The following SPMIP3 variants were observed in gnomAD, a reference collection of about 807,000 sequenced individuals.
SPMIP3 encodes protein SPMIP3.
the SPMIP3 span, among the ~76,000 whole-genome samples, chr1:244,377,128 T>A: frequency 4.1e-5 from 6 of 145,586 alleles, no homozygotes; most frequent in Non-Finnish European, 6.1e-5. Context: ...ACTTTATTTT[T>A]ATTTTTTTTT....
chr1:244,361,235 C>CTTTTTTTTTTTTTT, the SPMIP3 span, among the ~76,000 whole-genome samples: 101 of 119,286 alleles, frequency 8.5e-4, 5 homozygotes, highest in Non-Finnish European at 1.2e-3. Context: ...TTCTTTCTTT[C>CTTTTTTTTTTTTTT]TTTTTTTTTT....
At chr1:244,362,016 C>G in the SPMIP3 span, among the ~76,000 whole-genome samples, 1 of 152,300 alleles carries the variant, frequency 6.6e-6, no homozygotes, top group South Asian at 2.1e-4. Context: ...CTCTTTCTCT[C>G]TCTCTCTCTT....
the SPMIP3 span, among the ~76,000 whole-genome samples, chr1:244,372,793 A>C: frequency 6.6e-5 from 10 of 152,164 alleles, no homozygotes; most frequent in African/African-American, 2.4e-4. Flanking sequence ...GGACATCCCG[A>C]AAGACCCCAC....
At chr1:244,378,715 T>C in the SPMIP3 span, 1 of 1,465,240 alleles carries the variant, frequency 6.8e-7, no homozygotes, top group Non-Finnish European at 9.3e-7. Flanking sequence ...CCTGTAGGCT[T>C]GCTGTCTCAG....
At chr1:244,357,227 A>G in the SPMIP3 span, among the ~76,000 whole-genome samples, 1,218 of 75,650 alleles carry the variant, frequency 0.016, 6 homozygotes, top group Non-Finnish European at 0.029. Flanking sequence ...CACCATGGAG[A>G]TTGAAACAAA....
At chr1:244,372,491 T>C in the SPMIP3 span, among the ~76,000 whole-genome samples, 1 of 151,544 alleles carries the variant, frequency 6.6e-6, no homozygotes, top group East Asian at 1.9e-4. Context: ...TCCCCCAGGC[T>C]GGAGTGCAGT....
At chr1:244,361,067 G>A in the SPMIP3 span, among the ~76,000 whole-genome samples, 13 of 152,124 alleles carry the variant, frequency 8.5e-5, no homozygotes, top group African/African-American at 3.1e-4. Flanking sequence ...GAGACGGAGA[G>A]TAGAATGATG....
the SPMIP3 span, among the ~76,000 whole-genome samples, chr1:244,368,143 G>C: frequency 6.6e-6 from 1 of 152,018 alleles, no homozygotes; most frequent in East Asian, 1.9e-4. Context: ...ATTTTTAGTA[G>C]AGACAAGGTT....
chr1:244,353,410 C>A, the SPMIP3 span, among the ~76,000 whole-genome samples: 2,791 of 152,224 alleles, frequency 0.018, 71 homozygotes, highest in African/African-American at 0.062. Flanking sequence ...ACAACAACAA[C>A]AAAAAACCCA....
chr1:244,372,553 C>A, the SPMIP3 span, among the ~76,000 whole-genome samples: 7 of 152,098 alleles, frequency 4.6e-5, no homozygotes, highest in South Asian at 1.5e-3. Context: ...ACACCATTCT[C>A]CTGCCCCAGC....
At chr1:244,358,909 T>C in the SPMIP3 span, among the ~76,000 whole-genome samples, 3 of 152,206 alleles carry the variant, frequency 2.0e-5, no homozygotes, top group Middle Eastern at 6.8e-3. Context: ...AAAAATTAAA[T>C]GTTTTCAGGG....
At chr1:244,383,562 G>A in the SPMIP3 span, among the ~76,000 whole-genome samples, 1 of 152,150 alleles carries the variant, frequency 6.6e-6, no homozygotes, top group African/African-American at 2.4e-5. Context: ...ATAAGGCAGA[G>A]TTTATATGGG....
the SPMIP3 span, among the ~76,000 whole-genome samples, chr1:244,369,468 A>T: frequency 6.6e-6 from 1 of 152,210 alleles, no homozygotes; most frequent in East Asian, 1.9e-4. Context: ...CTGGGGTACA[A>T]CCCGTGGTTC....
chr1:244,373,923 A>G, the SPMIP3 span, among the ~76,000 whole-genome samples: 2,172 of 151,956 alleles, frequency 0.014, 29 homozygotes, highest in Non-Finnish European at 0.016. Context: ...AGACCATCCT[A>G]GCCACCATGG....
the SPMIP3 span, among the ~76,000 whole-genome samples, chr1:244,368,111 C>G: frequency 0.36 from 54,960 of 151,754 alleles, 10,328 homozygotes; most frequent in East Asian, 0.49. Context: ...AGGCGCCCAC[C>G]ACCACACCTG....
chr1:244,363,368 A>G, the SPMIP3 span, among the ~76,000 whole-genome samples: 2 of 151,786 alleles, frequency 1.3e-5, no homozygotes, highest in African/African-American at 4.8e-5. Context: ...CGATTGTGCC[A>G]CTGCACTCCA....
chr1:244,363,649 C>T, the SPMIP3 span, among the ~76,000 whole-genome samples: 1 of 152,136 alleles, frequency 6.6e-6, no homozygotes, highest in East Asian at 1.9e-4. Flanking sequence ...AAGCTGCTTC[C>T]AGGAGTATTG....
At chr1:244,364,696 C>A in the SPMIP3 span, 1 of 1,613,978 alleles carries the variant, frequency 6.2e-7, no homozygotes, top group Admixed American at 1.7e-5. Context: ...AGATTCCCAT[C>A]CATCATGACT....
the SPMIP3 span, among the ~76,000 whole-genome samples, chr1:244,373,334 A>G: frequency 2.2e-4 from 12 of 54,966 alleles, no homozygotes; most frequent in Non-Finnish European, 2.9e-4. Context: ...AAAAAAAATT[A>G]TATATATATA....
Sources: gnomAD v4.1 joint callset for allele counts (sites outside exome capture counted in the v4.1 genomes callset) on GRCh38, gnomAD v4.1.1 for gene constraint, MANE v1.5 for transcripts, NCBI Gene and HGNC (gene_info 2026-07-23, HGNC 2026-07-21) for gene names.